The following FBXO22 variants were observed in gnomAD, a reference collection of about 807,000 sequenced individuals.
FBXO22 encodes the protein F-box protein 22.
In FBXO22, 13 loss-of-function variants were observed where a neutral mutation model predicts 37.2. The observed-to-expected ratio is 0.35, with a 90% CI of 0.23 to 0.56. The LOEUF (loss-of-function observed/expected upper bound fraction) is 0.56. FBXO22 is among the 20% of genes least tolerant of loss of function. The pLI is 0.87. For missense variants in FBXO22, 446 were observed against 509.9 expected, an observed-to-expected ratio of 0.87 and a Z score of 1.21; for synonymous variants, 189 against 189.1, an observed-to-expected ratio of 1.00 and a Z score of 0.00.
intron 6 of FBXO22, 96 bp from the exon 7 acceptor site, chr15:75,932,589 G>A (rs1370949877): frequency 8.3e-7 from 1 of 1,197,778 alleles, no homozygotes; most frequent in Non-Finnish European, 1.2e-6. Context: ...GCTGCTAAAG[G>A]CAGCAGCCTC....
chr15:75,909,959 C>T (rs1332733845), intron 2 of FBXO22, among the ~76,000 whole-genome samples: 11 of 152,058 alleles, frequency 7.2e-5, no homozygotes, highest in African/African-American at 1.4e-4. Flanking sequence ...ATGTTCCCTT[C>T]CCTGTGTCCA....
chr15:75,933,794 GT>G lies in FBXO22; in HGVS notation c.*696del. On this transcript the variant is annotated 3_prime_UTR_variant, in exon 7 of 7. Coordinates refer to ENST00000308275, the MANE Select transcript of FBXO22 (RefSeq NM_147188.3). Reference sequence around the variant, plus strand: ...CAGAGTATTACATCATCTTATTTTGGTTTTATACCAATAAAACATAGCGTGG... The same window carrying G: ...CAGAGTATTACATCATCTTATTTTGGTTTATACCAATAAAACATAGCGTGG... The G allele has an allele frequency of 3.7e-6, 1 of 269,768 alleles. No individual in the cohort carries two copies. The highest frequency in any genetic ancestry group is 7.4e-6 in the Non-Finnish European group (1 of 134,818). The allele number at this position is 269,768 out of a possible 1,614,324, so 16.7% of individuals were successfully genotyped here.
Position 75,930,980 on chromosome 15 carries a change from G to A in FBXO22, c.794+931G>A, listed in dbSNP as rs534637256. Reference sequence around the variant, plus strand: ...GTTGAGGTCCCTGGACTGCCAGGGAGGAGGAAGAGAGGAAGGCCAAGTACG... The same window carrying A: ...GTTGAGGTCCCTGGACTGCCAGGGAAGAGGAAGAGAGGAAGGCCAAGTACG... On this transcript the variant is annotated intron_variant, in intron 6 of 6. Transcript: ENST00000308275. 190 of 506,814 alleles carry A rather than the reference G, an allele frequency of 3.7e-4. 1 individual carries two copies. Among genetic ancestry groups the A allele is most frequent in the Non-Finnish European group, 4.6e-4 (182 of 392,538 alleles). 31.4% of individuals were successfully genotyped at this position (506,814 alleles called of 1,614,324 possible).
At chr15:75,929,226 G>T (rs2029919100) in intron 5 of FBXO22, among the ~76,000 whole-genome samples, 1 of 151,348 alleles carries the variant, frequency 6.6e-6, no homozygotes, top group Non-Finnish European at 1.5e-5. Context: ...TGAGGACACT[G>T]TCATTGGATT....
intron 4 of FBXO22, 59 bp downstream of exon 4, chr15:75,914,264 T>C (rs1241616564): frequency 5.9e-6 from 7 of 1,195,982 alleles, no homozygotes; most frequent in Non-Finnish European, 4.9e-6. Context: ...GTCCTTTGGA[T>C]TGGTGAGTTA....
chr15:75,929,580 G>C (rs557889224), intron 5 of FBXO22, among the ~76,000 whole-genome samples: 52 of 151,530 alleles, frequency 3.4e-4, no homozygotes, highest in Non-Finnish European at 2.8e-4. Flanking sequence ...TTGCTGCTCA[G>C]TACATAGCTG....
rs1278205906 is a variant in FBXO22, at chr15:75,933,154, A to G, written c.*52A>G. 1.8e-5 allele frequency: 26 copies of G among 1,484,732 alleles called. No homozygotes were observed. Among genetic ancestry groups the G allele is most frequent in the Non-Finnish European group, 2.4e-5 (26 of 1,103,468 alleles). The allele number at this position is 1,484,732 out of a possible 1,614,324, so 92.0% of individuals were successfully genotyped here. A position where few individuals can be genotyped will look rare whatever the true frequency, so the allele number is the denominator to read the frequency against. ...AACTTTTGGGTTCTGCCTTTTTCAG[A>G]AAATGGAAACTTGGGCCATGTGTAT... On this transcript the variant is annotated 3_prime_UTR_variant, in exon 7 of 7. Coordinates refer to ENST00000308275, the MANE Select transcript of FBXO22 (RefSeq NM_147188.3).
chr15:75,941,727 C>T lies in FBXO22; in HGVS notation c.*8625C>T, dbSNP rs932109552. 1.3e-5 allele frequency: 2 copies of T among 152,022 alleles called. No individual in the cohort carries two copies. Among genetic ancestry groups the T allele is most frequent in the African/African-American group, 2.4e-5 (1 of 41,412 alleles). The allele number at this position is 152,022 out of a possible 1,614,324, so 9.4% of individuals were successfully genotyped here. A position where few individuals can be genotyped will look rare whatever the true frequency, so the allele number is the denominator to read the frequency against. On this transcript the variant is annotated 3_prime_UTR_variant, in exon 7 of 7. Coordinates refer to ENST00000308275, the MANE Select transcript of FBXO22 (RefSeq NM_147188.3). Reference sequence around the variant, plus strand: ...TGAGATTCATAGAGACAAAGTAGAACAAAGATTACGTTTTGTCACAGGGAG... The same window carrying T: ...TGAGATTCATAGAGACAAAGTAGAATAAAGATTACGTTTTGTCACAGGGAG...
At position 75,932,805 on chromosome 15, in the gene FBXO22, G is replaced by A. The variant is rs770647328; in HGVS notation, c.915G>A (p.Ala305=). 7.8e-5 allele frequency: 126 copies of A among 1,614,150 alleles called. No homozygotes were observed. Among genetic ancestry groups the A allele is most frequent in the Non-Finnish European group, 9.9e-5 (117 of 1,180,058 alleles). ...DVSDEKTAEA[A]MQRLKAANIP... ...GTGATGAGAAGACTGCTGAGGCTGC[G>A]ATGCAGCGCCTCAAAGCGGCCAACA... Residue 305 remains alanine, a synonymous_variant, in exon 7 of 7, where the codon GCG becomes GCA. Transcript: ENST00000308275.
chr15:75,923,651 T>G (rs1900377317), intron 5 of FBXO22, among the ~76,000 whole-genome samples: 1 of 152,168 alleles, frequency 6.6e-6, no homozygotes, highest in Non-Finnish European at 1.5e-5. Context: ...CATTTTGGAG[T>G]ACAAGAGTGG....
At chr15:75,904,734 C>CTA in intron 2 of FBXO22, 105 bp downstream of exon 2, 1 of 529,174 alleles carries the variant, frequency 1.9e-6, no homozygotes, top group South Asian at 3.0e-5. Flanking sequence ...AGGAACATCT[C>CTA]GTTCCGTGAA....
At chr15:75,929,855 T>G (rs765645360) in intron 5 of FBXO22, 29 bp from the exon 6 acceptor site, 1 of 1,613,356 alleles carries the variant, frequency 6.2e-7, no homozygotes, top group Non-Finnish European at 8.5e-7. Flanking sequence ...TAAGGCTGTC[T>G]TTAACTGTTG....
In FBXO22 at chr15:75,935,348, A is replaced by C. The variant is rs2030242704; in HGVS notation, c.*2246A>C. Reference sequence around the variant, plus strand: ...ACATGAAAAAAATGTGAGCATAAAAAAGAGAAGTAAAGGTGTACCATTAGC... The same window carrying C: ...ACATGAAAAAAATGTGAGCATAAAACAGAGAAGTAAAGGTGTACCATTAGC... On this transcript the variant is annotated 3_prime_UTR_variant, in exon 7 of 7. Coordinates refer to ENST00000308275, the MANE Select transcript of FBXO22 (RefSeq NM_147188.3). 6.6e-6 allele frequency: 1 copy of C among 152,196 alleles called. No individual in the cohort carries two copies. Among genetic ancestry groups the C allele is most frequent in the African/African-American group, 2.4e-5 (1 of 41,456 alleles). 9.4% of individuals were successfully genotyped at this position (152,196 alleles called of 1,614,324 possible).
At chr15:75,928,080 A>G (rs542835504) in intron 5 of FBXO22, among the ~76,000 whole-genome samples, 54 of 152,316 alleles carry the variant, frequency 3.5e-4, no homozygotes, top group Middle Eastern at 3.4e-3. Flanking sequence ...CAGAATGGCT[A>G]TTAAAAAGTC....
In FBXO22 at chr15:75,904,525, G is replaced by C; in HGVS notation, c.175G>C (p.Val59Leu). The change falls in exon 2 of 7, where the codon GTA becomes CTA. Residue 59 changes from valine (V) to leucine (L), a missense_variant. Val to Leu is a conservative substitution (Grantham distance 32, BLOSUM62 1). This residue lies in a region of FBXO22 where 131 missense variants were observed against 99.8 expected (regional missense o/e 1.31). Transcript: ENST00000308275. ...CTTATGGAGGGAGTGTGTGCGCAGAGTATTGCGGACCCATCGGAGCGTAAC... is the reference window on the plus strand; with the variant it reads ...CTTATGGAGGGAGTGTGTGCGCAGACTATTGCGGACCCATCGGAGCGTAAC... Reference protein sequence around the residue: ...CRLWRECVRRVLRTHRSVTWI... With the variant: ...CRLWRECVRRLLRTHRSVTWI... 6.2e-7 allele frequency: 1 copy of C among 1,614,078 alleles called. No individual in the cohort carries two copies. The highest frequency in any genetic ancestry group is 1.1e-5 in the South Asian group (1 of 91,066).
At chr15:75,914,879 C>T (rs1157962076) in intron 4 of FBXO22, among the ~76,000 whole-genome samples, 1 of 152,114 alleles carries the variant, frequency 6.6e-6, no homozygotes, top group Non-Finnish European at 1.5e-5. Flanking sequence ...GTAGTACCTT[C>T]CTTGGAGGGT....
Position 75,904,013 on chromosome 15 carries a change from C to T in FBXO22, c.50C>T (p.Pro17Leu). Residue 17 changes from proline to leucine, a missense_variant, in exon 1 of 7, where the codon CCG becomes CTG. By Grantham distance (98) the Pro-to-Leu change is moderately conservative. Transcript: ENST00000308275. ...CGECRGSSVDPRSTFVLSNLA... is the reference protein window; with the variant it reads ...CGECRGSSVDLRSTFVLSNLA... Reference sequence around the variant, plus strand: ...GAGTGCCGCGGCTCCTCCGTAGACCCGCGGAGCACCTTCGTGTTGAGTAAC... The same window carrying T: ...GAGTGCCGCGGCTCCTCCGTAGACCTGCGGAGCACCTTCGTGTTGAGTAAC... 7.0e-6 allele frequency: 11 copies of T among 1,579,910 alleles called. No individual in the cohort carries two copies. Among genetic ancestry groups the T allele is most frequent in the Non-Finnish European group, 9.5e-6 (11 of 1,162,790 alleles).
intron 5 of FBXO22, among the ~76,000 whole-genome samples, chr15:75,921,549 G>A (rs1900323203): frequency 6.6e-6 from 1 of 152,048 alleles, no homozygotes; most frequent in South Asian, 2.1e-4. Context: ...TGTAGTCCCA[G>A]CTACTGTAGG....
chr15:75,910,683 G>A (rs1191881543), intron 2 of FBXO22, among the ~76,000 whole-genome samples: 3 of 152,060 alleles, frequency 2.0e-5, no homozygotes, highest in Non-Finnish European at 4.4e-5. Context: ...AGATGGATAG[G>A]TTGCAAAAAT....
Sources: allele counts gnomAD v4.1 joint callset (sites outside exome capture counted in the v4.1 genomes callset), GRCh38; gene constraint gnomAD v4.1.1; regional missense constraint gnomAD v4.1.1; transcripts MANE v1.5; gene names NCBI Gene and HGNC (gene_info 2026-07-23, HGNC 2026-07-21).